Variants in FBN1 observed in about 807,000 individuals in gnomAD.
FBN1 encodes fibrillin 1, also known as fibrillin-1.
FBN1 carries 29 observed loss-of-function variants against 365.1 expected under a neutral mutation model. The ratio of observed to expected loss-of-function variants is 0.08; its 90% CI spans 0.06 to 0.11. The LOEUF is 0.11. Among genes scored for constraint, FBN1 ranks in the 10% least tolerant of loss-of-function variants. FBN1 has a pLI of 1.00. For synonymous variants in FBN1, 1,210 were observed against 1,270.5 expected, an observed-to-expected ratio of 0.95 and a Z score of 1.01; for missense variants, 2,476 against 3,703.2, an observed-to-expected ratio of 0.67 and a Z score of 8.60.
chr15:48,536,278 C>A (rs954580700), intron 7 of FBN1, among the ~76,000 whole-genome samples: 4 of 152,228 alleles, frequency 2.6e-5, no homozygotes, highest in African/African-American at 9.6e-5. Flanking sequence ...AAACAGGAAG[C>A]AAATGCTGGA....
At chr15:48,600,361 C>T in intron 4 of FBN1, 127 bp from the exon 5 acceptor site, 6 of 733,556 alleles carry the variant, frequency 8.2e-6, no homozygotes, top group South Asian at 1.5e-5. Flanking sequence ...TCTATTTTTA[C>T]CTGATAATGA....
chr15:48,465,581 T>C lies in FBN1; in HGVS notation c.4929A>G (p.Thr1643=). The part of the protein sequence containing the change: ...CPTGYYLNED[T]RVCDDVNECE... ...AGGACCATTTACCATCACACACTCG[T>C]GTATCTTCATTCAGGTAGTAGCCGG... Residue 1643 remains threonine, a synonymous_variant, in exon 40 of 66, where the codon ACA becomes ACG. Transcript: ENST00000316623. 6.2e-7 allele frequency: 1 copy of C among 1,614,154 alleles called. No individual in the cohort carries two copies. The highest frequency in any genetic ancestry group is 8.5e-7 in the Non-Finnish European group (1 of 1,179,980).
intron 10 of FBN1, among the ~76,000 whole-genome samples, chr15:48,518,505 T>C (rs2043823690): frequency 6.6e-6 from 1 of 152,262 alleles, no homozygotes; most frequent in African/African-American, 2.4e-5. Flanking sequence ...TAAAAGAAAT[T>C]TAATAGCTTA....
chr15:48,607,510 A>G (rs2044623491), intron 4 of FBN1, among the ~76,000 whole-genome samples: 2 of 140,084 alleles, frequency 1.4e-5, no homozygotes, highest in South Asian at 4.3e-4. Context: ...GCCCTCATGA[A>G]AGGATTAGTA....
intron 15 of FBN1, 106 bp downstream of exon 15, chr15:48,508,476 G>C (rs766513782): frequency 6.7e-7 from 1 of 1,497,890 alleles, no homozygotes; most frequent in African/African-American, 1.4e-5. Context: ...CAAAATTCAA[G>C]GTACTTTAAG....
chr15:48,455,483 C>T (rs942431523), intron 44 of FBN1, among the ~76,000 whole-genome samples: 1 of 152,176 alleles, frequency 6.6e-6, no homozygotes, highest in African/African-American at 2.4e-5. Flanking sequence ...GCATGCTGAG[C>T]ATGTTTGAGA....
intron 9 of FBN1, among the ~76,000 whole-genome samples, chr15:48,521,046 C>G (rs999696835): frequency 6.6e-6 from 1 of 152,100 alleles, no homozygotes; most frequent in African/African-American, 2.4e-5. Context: ...GGCTGAAGTC[C>G]CACATTCCAT....
At chr15:48,644,168 TCTGA>T (rs1315434685) in intron 2 of FBN1, 4 of 181,254 alleles carry the variant, frequency 2.2e-5, no homozygotes, top group African/African-American at 9.4e-5. Flanking sequence ...TGATTTCTCC[TCTGA>T]CTGTCATGGG....
At chr15:48,484,059 C>T in intron 30 of FBN1, 116 bp from the exon 31 acceptor site, 1 of 1,022,754 alleles carries the variant, frequency 9.8e-7, no homozygotes, top group Non-Finnish European at 1.5e-6. Context: ...AGACTATTAA[C>T]TCTCAAATCC....
At chr15:48,544,876 C>T (rs761824343) in intron 6 of FBN1, among the ~76,000 whole-genome samples, 6 of 152,104 alleles carry the variant, frequency 3.9e-5, no homozygotes, top group Non-Finnish European at 7.4e-5. Context: ...CTGGGAGAAT[C>T]GGTAAAGTCA....
chr15:48,536,358 T>G (rs2044013939), intron 7 of FBN1, among the ~76,000 whole-genome samples: 1 of 151,504 alleles, frequency 6.6e-6, no homozygotes, highest in South Asian at 2.1e-4. Flanking sequence ...CCCCCCCAAT[T>G]CCATTAGCAC....
At chr15:48,571,295 CCCTGGTAGATCTGTCTTAGG>C (rs1389053633) in intron 6 of FBN1, among the ~76,000 whole-genome samples, 1 of 151,992 alleles carries the variant, frequency 6.6e-6, no homozygotes, top group African/African-American at 2.4e-5. Context: ...AACAATGGCA[CCCTGGTAGATCTGTCTTAGG>C]CCTACAACAA....
At chr15:48,428,013 C>T in intron 57 of FBN1, 1 of 684,154 alleles carries the variant, frequency 1.5e-6, no homozygotes, top group South Asian at 1.5e-5. Context: ...TTATAACTCT[C>T]TCTGCTCCCA....
chr15:48,435,978 T>C (rs1294627576), intron 53 of FBN1, among the ~76,000 whole-genome samples: 1 of 152,064 alleles, frequency 6.6e-6, no homozygotes, highest in East Asian at 1.9e-4. Flanking sequence ...CAGTTGTTTC[T>C]TGTGCTGAGG....
chr15:48,429,755 GTTCT>G (rs1367011731), intron 56 of FBN1, among the ~76,000 whole-genome samples: 2 of 152,312 alleles, frequency 1.3e-5, no homozygotes, highest in Non-Finnish European at 2.9e-5. Flanking sequence ...TTTAGAATCT[GTTCT>G]TTAATTCCTG....
chr15:48,532,202 A>G (rs947026629), intron 8 of FBN1, among the ~76,000 whole-genome samples: 2 of 152,250 alleles, frequency 1.3e-5, no homozygotes, highest in Non-Finnish European at 2.9e-5. Flanking sequence ...GACAAAATCA[A>G]TTCTACTCAG....
At chr15:48,610,933 T>G in intron 3 of FBN1, 107 bp from the exon 4 acceptor site, 2 of 818,588 alleles carry the variant, frequency 2.4e-6, no homozygotes, top group East Asian at 5.3e-5. Flanking sequence ...CCTCACAAAC[T>G]TTGCTATCAT....
chr15:48,472,879 C>G (rs1319442719), intron 34 of FBN1, among the ~76,000 whole-genome samples: 1 of 152,068 alleles, frequency 6.6e-6, no homozygotes, highest in African/African-American at 2.4e-5. Flanking sequence ...GATAATTTAC[C>G]CTGAATGATA....
intron 39 of FBN1, 44 bp downstream of exon 39, chr15:48,465,746 A>T: frequency 6.2e-7 from 1 of 1,613,316 alleles, no homozygotes; most frequent in South Asian, 1.1e-5. Context: ...AAACCCAAGG[A>T]AATTCAAGTT....
Sources: allele counts gnomAD v4.1 joint callset (sites outside exome capture counted in the v4.1 genomes callset), GRCh38; gene constraint gnomAD v4.1.1; transcripts MANE v1.5; gene names NCBI Gene and HGNC (gene_info 2026-07-23, HGNC 2026-07-21).